The following GRIA4 variants were observed in gnomAD, a reference collection of about 807,000 sequenced individuals.
GRIA4 encodes the protein glutamate ionotropic receptor AMPA type subunit 4, also known as glutamate receptor 4.
In GRIA4, 34 loss-of-function variants were observed where a neutral mutation model predicts 104.0. That is an observed-to-expected ratio of 0.33 (90% CI 0.25 to 0.44). GRIA4 has a LOEUF of 0.44. Ranked by LOEUF, GRIA4 falls within the 20% of genes least tolerant of loss-of-function variation. GRIA4 has a pLI of 1.00. For missense variants in GRIA4, 750 were observed against 1,096.5 expected, an observed-to-expected ratio of 0.68 and a Z score of 4.46; for synonymous variants, 386 against 381.9, an observed-to-expected ratio of 1.01 and a Z score of -0.13.
chr11:105,760,866 G>A (rs1051907540), intron 4 of GRIA4, among the ~76,000 whole-genome samples: 2 of 151,804 alleles, frequency 1.3e-5, no homozygotes, highest in Admixed American at 1.3e-4. Context: ...TTTCATGTTC[G>A]AGTACATGGT....
At chr11:105,912,520 T>TTATATATATATAAA in intron 10 of GRIA4, 1 of 344,698 alleles carries the variant, frequency 2.9e-6, no homozygotes. Flanking sequence ...TCCAACTGTT[T>TTATATATATATAAA]TATATATATA....
intron 3 of GRIA4, among the ~76,000 whole-genome samples, chr11:105,676,496 T>G (rs1297849071): frequency 1.6e-5 from 2 of 128,606 alleles, no homozygotes; most frequent in Non-Finnish European, 3.3e-5. Context: ...GAAAACATAT[T>G]TGATATCTTA....
intron 3 of GRIA4, among the ~76,000 whole-genome samples, chr11:105,636,361 G>C (rs1951201476): frequency 6.6e-6 from 1 of 152,110 alleles, no homozygotes; most frequent in African/African-American, 2.4e-5. Flanking sequence ...TGTCCCTCAA[G>C]AATATCTTGC....
rs1953943496 is a variant in GRIA4 at position 105,712,416 on chromosome 11, G to GAT, written c.248-40556_248-40555dup. ...AAGGATCTATCTATATATAGATATAGATATATATATTCTTATTCATGCTTT... is the reference window on the plus strand; with the variant it reads ...AAGGATCTATCTATATATAGATATAGATATATATATATTCTTATTCATGCTTT... On this transcript the variant is annotated intron_variant, in intron 3 of 16. Coordinates refer to ENST00000282499, the MANE Select transcript of GRIA4 (RefSeq NM_000829.4). Among the ~76,000 whole-genome samples, 4 of 151,928 alleles carry GAT rather than the reference G, an allele frequency of 2.6e-5. No individual in the cohort carries two copies. In the South Asian group the frequency reaches 6.2e-4, roughly 24 times the overall value.
At chr11:105,842,040 T>C (rs901714463) in intron 4 of GRIA4, among the ~76,000 whole-genome samples, 2 of 152,136 alleles carry the variant, frequency 1.3e-5, no homozygotes, top group Admixed American at 1.3e-4. Flanking sequence ...GAAGAGCTCA[T>C]TGAGAAGTTA....
At chr11:105,737,498 AG>A (rs761233968) in intron 3 of GRIA4, among the ~76,000 whole-genome samples, 17 of 152,116 alleles carry the variant, frequency 1.1e-4, no homozygotes, top group Non-Finnish European at 2.2e-4. Flanking sequence ...GAAAAAAAAA[AG>A]TATTGAAACA....
At chr11:105,636,810 A>G (rs1345523925) in intron 3 of GRIA4, among the ~76,000 whole-genome samples, 4 of 152,234 alleles carry the variant, frequency 2.6e-5, no homozygotes, top group Admixed American at 6.5e-5. Flanking sequence ...CAAATAAACC[A>G]CAGAGGCAAA....
intron 3 of GRIA4, among the ~76,000 whole-genome samples, chr11:105,700,005 A>T (rs1468824942): frequency 2.0e-5 from 3 of 152,216 alleles, no homozygotes; most frequent in Non-Finnish European, 2.9e-5. Flanking sequence ...CCTAGATCCT[A>T]GTGGGGCACT....
intron 3 of GRIA4, among the ~76,000 whole-genome samples, chr11:105,684,346 A>C (rs1485854180): frequency 2.6e-5 from 4 of 152,020 alleles, no homozygotes; most frequent in Non-Finnish European, 4.4e-5. Context: ...TGGTTCCACC[A>C]GGTATCAGTA....
intron 9 of GRIA4, among the ~76,000 whole-genome samples, chr11:105,907,636 C>G (rs947827832): frequency 1.1e-4 from 16 of 152,142 alleles, no homozygotes; most frequent in African/African-American, 3.9e-4. Flanking sequence ...CCAGTGACCC[C>G]CATCCAGGGC....
Position 105,912,531 on chromosome 11 carries a change from T to C in GRIA4, c.1269+1986T>C, listed in dbSNP as rs912552879. 2.2e-5 allele frequency: 6 copies of C among 268,252 alleles called. No individual in the cohort carries two copies. The East Asian group carries it at 1.1e-3, about 48-fold the overall frequency. The allele number at this position is 268,252 out of a possible 1,614,324, so 16.6% of individuals were successfully genotyped here. ...AAAATCCAACTGTTTTATATATATA[T>C]AAATATATATATATTTATATATATA... On this transcript the variant is annotated intron_variant, in intron 10 of 16. Transcript: ENST00000282499.
chr11:105,625,889 T>C (rs989844947), intron 3 of GRIA4, among the ~76,000 whole-genome samples: 4 of 152,140 alleles, frequency 2.6e-5, no homozygotes, highest in Middle Eastern at 3.2e-3. Context: ...TTATGTTCAC[T>C]CTTAAATTTT....
intron 4 of GRIA4, among the ~76,000 whole-genome samples, chr11:105,854,909 A>T (rs1330141267): frequency 2.0e-5 from 3 of 152,200 alleles, no homozygotes; most frequent in African/African-American, 7.2e-5. Flanking sequence ...TGTAAGTCAC[A>T]TAAATTGTTT....
chr11:105,840,650 C>G (rs888697012), intron 4 of GRIA4, among the ~76,000 whole-genome samples: 1 of 152,192 alleles, frequency 6.6e-6, no homozygotes, highest in Non-Finnish European at 1.5e-5. Context: ...TATTATAAGA[C>G]TCTCCAGAAT....
Position 105,752,984 on chromosome 11 carries a change from G to A in GRIA4, c.251G>A (p.Cys84Tyr), listed in dbSNP as rs557011356. ...ANSFAVTNAF[C>Y]SQYSRGVFAI... ...TGTTTTCTTCCTCTTGTTTCAGTCT[G>A]TTCCCAGTATTCTAGAGGAGTATTT... Residue 84 changes from cysteine (C) to tyrosine (Y), a missense_variant, in exon 4 of 17, where the codon TGT becomes TAT. Around this residue, in one of 3 missense-constraint regions of GRIA4, gnomAD observed 410 missense variants for 502.7 expected, o/e 0.82. Transcript: ENST00000282499. 2 of 1,612,804 alleles carry A rather than the reference G, an allele frequency of 1.2e-6. No homozygotes were observed. The highest frequency in any genetic ancestry group is 1.3e-5 in the African/African-American group (1 of 74,992).
rs144526830 is a variant in GRIA4, at chr11:105,761,166, G to A, written c.487+7946G>A. Among the ~76,000 whole-genome samples, 334 of 151,952 alleles carry A rather than the reference G, an allele frequency of 2.2e-3. 2 individuals carry two copies. Among genetic ancestry groups the A allele is most frequent in the African/African-American group, 7.8e-3 (322 of 41,448 alleles). On this transcript the variant is annotated intron_variant, in intron 4 of 16. Coordinates refer to ENST00000282499, the MANE Select transcript of GRIA4 (RefSeq NM_000829.4). ...ATATACTTTGATACAAAATATTTTG[G>A]AATTTTTAGCATCTTCCAGGGAAAT...
At chr11:105,972,123 T>C (rs1454681524) in intron 15 of GRIA4, 95 bp downstream of exon 15, 7 of 705,940 alleles carry the variant, frequency 9.9e-6, no homozygotes, top group Non-Finnish European at 1.5e-5. Context: ...AAACTGAACA[T>C]TATACACTCA....
At chr11:105,837,471 C>T (rs2135948952) in intron 4 of GRIA4, among the ~76,000 whole-genome samples, 1 of 152,234 alleles carries the variant, frequency 6.6e-6, no homozygotes, top group African/African-American at 2.4e-5. Context: ...ATAAGGAGCA[C>T]AGTGTAGATT....
chr11:105,858,889 TAGAC>T (rs1418098119), intron 4 of GRIA4, among the ~76,000 whole-genome samples: 1 of 152,182 alleles, frequency 6.6e-6, no homozygotes, highest in African/African-American at 2.4e-5. Context: ...ATTAAAATGT[TAGAC>T]AGCTTTTTAG....
Sources: gnomAD v4.1 joint callset for allele counts (sites outside exome capture counted in the v4.1 genomes callset) on GRCh38, gnomAD v4.1.1 for gene constraint, gnomAD v4.1.1 regional missense constraint, MANE v1.5 for transcripts, NCBI Gene and HGNC (gene_info 2026-07-23, HGNC 2026-07-21) for gene names.